The following SGCD variants were observed in gnomAD, a reference collection of about 807,000 sequenced individuals.
The protein encoded by SGCD is delta-sarcoglycan.
In SGCD, 18 loss-of-function variants were observed where a neutral mutation model predicts 36.6. The observed-to-expected ratio is 0.49, with a 90% CI of 0.34 to 0.73. The LOEUF (loss-of-function observed/expected upper bound fraction) is 0.73, where lower values mean the gene tolerates loss of function less well. Ranked by LOEUF, SGCD falls within the 30% of genes least tolerant of loss-of-function variation. The pLI is 0.01. For missense variants in SGCD, 387 were observed against 346.7 expected (o/e 1.12, Z -0.92); for synonymous variants, 133 against 130.6 (o/e 1.02, Z -0.12).
chr5:155,936,426 C>T (rs146296809), intron 1 of SGCD, among the ~76,000 whole-genome samples: 30 of 152,268 alleles, frequency 2.0e-4, no homozygotes, highest in Middle Eastern at 6.8e-3. Flanking sequence ...AGAGAGCAGA[C>T]GCTGGGGTGG....
chr5:155,786,335 A>C, the SGCD span, among the ~76,000 whole-genome samples: 1 of 152,172 alleles, frequency 6.6e-6, no homozygotes, highest in African/African-American at 2.4e-5. Flanking sequence ...CCCCAGGCAG[A>C]AACAGTCCCA....
At chr5:156,698,935 A>AAT (rs368968297) in intron 7 of SGCD, among the ~76,000 whole-genome samples, 85 of 152,106 alleles carry the variant, frequency 5.6e-4, no homozygotes, top group African/African-American at 2.0e-3. Context: ...AGTAGCTTAA[A>AAT]AATTAAACAA....
chr5:156,423,226 ATTGTATTATATTATATTTTATAATATT>A (rs1773441445), intron 3 of SGCD, among the ~76,000 whole-genome samples: 1 of 7,498 alleles, frequency 1.3e-4, no homozygotes, highest in Admixed American at 1.7e-3. Context: ...AATATAATAT[ATTGTATTATATTATATTTTATAATATT>A]ATATTTTATT....
chr5:156,059,398 A>G lies in SGCD; in HGVS notation c.-281-58480A>G, dbSNP rs1303044553. On this transcript the variant is annotated intron_variant, in intron 1 of 9. Coordinates refer to the SGCD transcript ENST00000517913. ...ACTAAGAACTTGAGGGTTGGAGGAG[A>G]AAGATTTGGGGAATCTGAGTGAAGC... Among the ~76,000 whole-genome samples the G allele has an allele frequency of 4.1e-5, 6 of 146,486 alleles. 1 individual carries two copies. Among genetic ancestry groups the G allele is most frequent in the Admixed American group, 2.0e-4 (3 of 14,646 alleles).
chr5:156,330,013 T>A, intron 2 of SGCD, among the ~76,000 whole-genome samples: 1 of 76,046 alleles, frequency 1.3e-5, no homozygotes, highest in Admixed American at 1.6e-4. Context: ...CAAGATTCAG[T>A]CTCAAAAAAA....
the SGCD span, among the ~76,000 whole-genome samples, chr5:155,786,208 G>T: frequency 2.6e-5 from 4 of 152,200 alleles, no homozygotes; most frequent in African/African-American, 9.6e-5. Flanking sequence ...AGTCCCACAA[G>T]TTTAAGACAA....
chr5:156,602,192 T>C (rs1401589443), intron 6 of SGCD, among the ~76,000 whole-genome samples: 1 of 152,226 alleles, frequency 6.6e-6, no homozygotes, highest in East Asian at 1.9e-4. Context: ...CATAGGTATC[T>C]TATTTTTCGT....
At chr5:156,124,483 AT>A (rs1762121887) in intron 3 of SGCD, among the ~76,000 whole-genome samples, 1 of 152,086 alleles carries the variant, frequency 6.6e-6, no homozygotes, top group Non-Finnish European at 1.5e-5. Context: ...TTGTCTTTGT[AT>A]TTATTTTATA....
At chr5:156,456,874 T>C (rs765105047) in intron 3 of SGCD, among the ~76,000 whole-genome samples, 65 of 152,218 alleles carry the variant, frequency 4.3e-4, no homozygotes, top group Non-Finnish European at 3.8e-4. Flanking sequence ...TTAAAACACA[T>C]TTAGTAATTA....
intron 3 of SGCD, among the ~76,000 whole-genome samples, chr5:156,346,787 T>TA (rs1191344347): frequency 2.0e-5 from 3 of 151,710 alleles, no homozygotes; most frequent in East Asian, 3.9e-4. Flanking sequence ...ACTTTATTTT[T>TA]TTATTTTTTT....
At chr5:156,041,577 C>G (rs1048382259) in intron 1 of SGCD, among the ~76,000 whole-genome samples, 5 of 152,134 alleles carry the variant, frequency 3.3e-5, no homozygotes, top group African/African-American at 9.7e-5. Context: ...ATTCATCCAT[C>G]AACCATTTAT....
intron 1 of SGCD, among the ~76,000 whole-genome samples, chr5:155,888,894 A>G (rs549353369): frequency 7.5e-4 from 114 of 152,226 alleles, no homozygotes; most frequent in Non-Finnish European, 1.5e-3. Flanking sequence ...CTTCACTTCT[A>G]TGGCTTTGCT....
At chr5:156,148,112 A>G (rs543914155) in intron 3 of SGCD, among the ~76,000 whole-genome samples, 1 of 152,216 alleles carries the variant, frequency 6.6e-6, no homozygotes, top group African/African-American at 2.4e-5. Flanking sequence ...GATGTAGTGA[A>G]AAAAGAATGT....
intron 3 of SGCD, among the ~76,000 whole-genome samples, chr5:156,366,655 G>A (rs532374933): frequency 1.3e-5 from 2 of 152,282 alleles, no homozygotes; most frequent in Non-Finnish European, 2.9e-5. Context: ...TTGAGGAAGA[G>A]GCTAGAACTG....
chr5:156,606,478 A>G (rs1233937400), intron 6 of SGCD, among the ~76,000 whole-genome samples: 2 of 152,164 alleles, frequency 1.3e-5, no homozygotes, highest in African/African-American at 4.8e-5. Flanking sequence ...GTCAGGTAGC[A>G]TGATGCCTCC....
intron 1 of SGCD, among the ~76,000 whole-genome samples, chr5:156,065,355 A>C (rs1410565167): frequency 2.7e-3 from 299 of 112,512 alleles, no homozygotes; most frequent in South Asian, 4.5e-3. Flanking sequence ...TTTACTTCCA[A>C]CTATGTGGTC....
chr5:156,200,055 G>C (rs922178406), intron 3 of SGCD, among the ~76,000 whole-genome samples: 1 of 152,116 alleles, frequency 6.6e-6, no homozygotes, highest in Non-Finnish European at 1.5e-5. Context: ...CATACTTATA[G>C]CTTGGAAGAC....
chr5:155,965,911 G>C (rs1757892827), intron 1 of SGCD, among the ~76,000 whole-genome samples: 2 of 152,000 alleles, frequency 1.3e-5, no homozygotes. Flanking sequence ...AGGGATTGGG[G>C]CTGCATCACT....
chr5:156,354,914 C>G (rs1443728735), intron 3 of SGCD, among the ~76,000 whole-genome samples: 1 of 152,168 alleles, frequency 6.6e-6, no homozygotes, highest in Non-Finnish European at 1.5e-5. Flanking sequence ...GGTTTCCCAT[C>G]AGTTGGTTTG....
Sources: gnomAD v4.1 joint callset for allele counts (sites outside exome capture counted in the v4.1 genomes callset) on GRCh38, gnomAD v4.1.1 for gene constraint, MANE v1.5 for transcripts, NCBI Gene and HGNC (gene_info 2026-07-23, HGNC 2026-07-21) for gene names.